FN3KRP: variants seen among roughly 807,000 people sequenced by gnomAD.
FN3KRP encodes fructosamine 3 kinase related protein.
In FN3KRP, 33 loss-of-function variants were observed where a neutral mutation model predicts 29.8. The observed-to-expected ratio is 1.11, with a 90% CI of 0.84 to 1.48. FN3KRP has a LOEUF of 1.48. FN3KRP is among the 40% of genes most tolerant of loss of function. The pLI, the probability that FN3KRP is intolerant of heterozygous loss-of-function variation, is 0.00. For missense variants in FN3KRP, 430 were observed against 402.6 expected (o/e 1.07, Z -0.58); for synonymous variants, 157 against 155.2 (o/e 1.01, Z -0.09).
chr17:82,719,321 C>G (rs1308946930), intron 2 of FN3KRP, among the ~76,000 whole-genome samples: 3 of 152,236 alleles, frequency 2.0e-5, no homozygotes, highest in Non-Finnish European at 2.9e-5. Flanking sequence ...GAAGCTTGTA[C>G]TGGGGACATC....
chr17:82,720,631 T>A (rs1483933264), intron 3 of FN3KRP: 3 of 335,338 alleles, frequency 8.9e-6, no homozygotes, highest in African/African-American at 2.1e-5. Context: ...TACCTCTCGT[T>A]CCCCAGAAGA....
rs371279348 is a variant in FN3KRP at position 82,726,841 on chromosome 17, C to T, written c.600C>T (p.Ile200=). The T allele has an allele frequency of 5.2e-6, 8 of 1,540,236 alleles. No individual in the cohort carries two copies. The Admixed American group carries it at 8.3e-5, about 16-fold the overall frequency. The change falls in exon 6 of 6, where the codon ATC becomes ATT. Residue 200 remains isoleucine (I), a synonymous_variant. Transcript: ENST00000269373. The part of the protein sequence containing the change: ...LQLWSALQLK[I]PDLFRDLEII... ...CATTTTCCTCCCTGCAGTTAAAGATCCCTGACCTGTTCCGTGACCTGGAGA... is the reference window on the plus strand; with the variant it reads ...CATTTTCCTCCCTGCAGTTAAAGATTCCTGACCTGTTCCGTGACCTGGAGA...
Position 82,718,915 on chromosome 17 carries a change from A to C in FN3KRP, c.151A>C (p.Met51Leu). 6.2e-7 allele frequency: 1 copy of C among 1,613,758 alleles called. No individual in the cohort carries two copies. The highest frequency in any genetic ancestry group is 1.1e-5 in the South Asian group (1 of 91,070). ...KVNPKAEARRMFEGEMASLTA... is the reference protein window; with the variant it reads ...KVNPKAEARRLFEGEMASLTA... Reference sequence around the variant, plus strand: ...CGTATTTTTCTGACAGGCCAGAAGAATGTTTGAAGGTGAGATGGCAAGTTT... The same window carrying C: ...CGTATTTTTCTGACAGGCCAGAAGACTGTTTGAAGGTGAGATGGCAAGTTT... Residue 51 changes from methionine (M) to leucine (L), a missense_variant, in exon 2 of 6, where the codon ATG becomes CTG. Coordinates refer to ENST00000269373, the MANE Select transcript of FN3KRP (RefSeq NM_024619.4).
Position 82,722,795 on chromosome 17 carries a change from G to T in FN3KRP, c.386-9G>T. ...AACTAATTTCCTTTCTTTTACTTTT[G>T]CTTGCAAGGGAGAGGAGGTGGGCAG... is the stretch of plus-strand genomic sequence containing the variant. On this transcript the variant is annotated splice_polypyrimidine_tract_variant and intron_variant, in intron 3 of 5. Coordinates refer to ENST00000269373, the MANE Select transcript of FN3KRP (RefSeq NM_024619.4). 6.2e-7 allele frequency: 1 copy of T among 1,613,066 alleles called. No homozygotes were observed. The highest frequency in any genetic ancestry group is 8.5e-7 in the Non-Finnish European group (1 of 1,179,680).
At position 82,725,389 on chromosome 17, in the gene FN3KRP, C is replaced by T. The variant is rs779384519; in HGVS notation, c.469-1091C>T. 5.9e-5 allele frequency among the ~76,000 whole-genome samples: 9 copies of T among 152,136 alleles called. No individual in the cohort carries two copies. In the South Asian group the frequency reaches 6.2e-4, roughly 11 times the overall value. On this transcript the variant is annotated intron_variant, in intron 4 of 5. Coordinates refer to ENST00000269373, the MANE Select transcript of FN3KRP (RefSeq NM_024619.4). The stretch of plus-strand genomic sequence containing the variant: ...TCAAGTGATCCTCCCACCTCAGCCA[C>T]GCAAAATGCTGGGATTACAGATATT...
intron 1 of FN3KRP, chr17:82,718,387 A>G: frequency 2.0e-6 from 2 of 987,164 alleles, no homozygotes; most frequent in Non-Finnish European, 2.4e-6. Context: ...GCATCTCAAG[A>G]TGAGGTGGTT....
chr17:82,720,136 A>G (rs1292079502), intron 2 of FN3KRP, 136 bp from the exon 3 acceptor site: 3 of 593,430 alleles, frequency 5.1e-6, no homozygotes, highest in East Asian at 3.4e-5. Flanking sequence ...ACTGCCCTCC[A>G]GCCTGGGTGA....
chr17:82,724,806 C>CA (rs949395208), intron 4 of FN3KRP, among the ~76,000 whole-genome samples: 17 of 149,936 alleles, frequency 1.1e-4, no homozygotes, highest in Middle Eastern at 3.4e-3. Flanking sequence ...CAATGCCTAT[C>CA]AAAAAAAAAA....
At chr17:82,716,950 G>C in intron 1 of FN3KRP, 54 bp downstream of exon 1, 2 of 1,524,478 alleles carry the variant, frequency 1.3e-6, no homozygotes, top group Non-Finnish European at 1.7e-6. Context: ...GGAGAGGGTC[G>C]CGGGCCTCGG....
At chr17:82,717,898 A>G (rs2046769537) in intron 1 of FN3KRP, among the ~76,000 whole-genome samples, 1 of 151,328 alleles carries the variant, frequency 6.6e-6, no homozygotes, top group African/African-American at 2.4e-5. Flanking sequence ...GTATGTGTGT[A>G]TGTTTGTAAT....
chr17:82,719,101 AGGT>A, intron 2 of FN3KRP, 44 bp downstream of exon 2: 1 of 1,522,172 alleles, frequency 6.6e-7, no homozygotes, highest in Non-Finnish European at 8.9e-7. Context: ...TTACCTGAGC[AGGT>A]GTGTCTTCAC....
chr17:82,722,744 C>G, intron 3 of FN3KRP, 60 bp from the exon 4 acceptor site: 1 of 1,549,456 alleles, frequency 6.5e-7, no homozygotes, highest in Non-Finnish European at 8.9e-7. Context: ...GACTCAGTTT[C>G]GAGAGTGGGC....
Position 82,726,516 on chromosome 17 carries a change from G to GC in FN3KRP, c.508dup (p.Arg170ProfsTer33), listed in dbSNP as rs1431081913. The stretch of plus-strand genomic sequence containing the variant: ...GCAGGAGGACTGGGTCGTGTTCTAT[G>GC]CCCGGCAGCGCATTCAGCCCCAGAT... On this transcript the variant is annotated frameshift_variant, in exon 5 of 6. Transcript: ENST00000269373. LOFTEE classifies it high-confidence loss of function. The GC allele has an allele frequency of 5.0e-6, 8 of 1,614,186 alleles. No individual in the cohort carries two copies. Among genetic ancestry groups the GC allele is most frequent in the Non-Finnish European group, 6.8e-6 (8 of 1,180,032 alleles).
Position 82,727,413 on chromosome 17 carries a change from T to G in FN3KRP, c.*242T>G, listed in dbSNP as rs1039818733. The G allele has an allele frequency of 8.7e-5, 36 of 414,714 alleles. No individual in the cohort carries two copies. Among genetic ancestry groups the G allele is most frequent in the Non-Finnish European group, 1.3e-4 (31 of 230,902 alleles). The allele number at this position is 414,714 out of a possible 1,614,324, so 25.7% of individuals were successfully genotyped here. On this transcript the variant is annotated 3_prime_UTR_variant, in exon 6 of 6. Transcript: ENST00000269373. ...GGTATGAGCAGAGGGATGTATGGAG[T>G]GTGGGTGACTCTGAGCCTCACTGCT...
intron 3 of FN3KRP, chr17:82,720,728 C>T (rs1475578114): frequency 5.9e-6 from 1 of 168,824 alleles, no homozygotes; most frequent in Non-Finnish European, 1.2e-5. Context: ...ACTTGAGGCT[C>T]AGAATTACAG....
chr17:82,718,853 G>A lies in FN3KRP; in HGVS notation c.142-53G>A, dbSNP rs1057280422. 78 of 1,591,380 alleles carry A rather than the reference G, an allele frequency of 4.9e-5. No individual in the cohort carries two copies. In the African/African-American group the frequency reaches 5.2e-4, roughly 11 times the overall value. On this transcript the variant is annotated intron_variant, in intron 1 of 5. Transcript: ENST00000269373. ...GGAAAACATATCTACAGAACCTTCC[G>A]GAAGTAACCTTGCCTCCCTGTATTT...
intron 5 of FN3KRP, 105 bp downstream of exon 5, chr17:82,726,707 G>A (rs1391359736): frequency 1.3e-6 from 2 of 1,519,598 alleles, no homozygotes; most frequent in African/African-American, 1.4e-5. Context: ...CTGATTCTGG[G>A]TGGGAAGCGG....
At position 82,716,755 on chromosome 17, in the gene FN3KRP, C is replaced by A. The variant is rs773293010; in HGVS notation, c.-1C>A. On this transcript the variant is annotated 5_prime_UTR_variant, in exon 1 of 6. Coordinates refer to ENST00000269373, the MANE Select transcript of FN3KRP (RefSeq NM_024619.4). The stretch of plus-strand genomic sequence containing the variant: ...GGCGGGTCCGCGGCCGCGGCGGGAA[C>A]ATGGAGGAGCTCCTGAGGCGCGAGC... 2 of 1,503,858 alleles carry A rather than the reference C, an allele frequency of 1.3e-6. No individual in the cohort carries two copies. Among genetic ancestry groups the A allele is most frequent in the East Asian group, 5.5e-5 (2 of 36,284 alleles). The allele number at this position is 1,503,858 out of a possible 1,614,324, so 93.2% of individuals were successfully genotyped here.
intron 3 of FN3KRP, among the ~76,000 whole-genome samples, chr17:82,722,067 C>T (rs779220762): frequency 1.3e-5 from 2 of 151,770 alleles, no homozygotes; most frequent in African/African-American, 2.4e-5. Context: ...TTCCCGACCT[C>T]AGGTGATCCA....
Sources: gnomAD v4.1 joint callset for allele counts (sites outside exome capture counted in the v4.1 genomes callset) on GRCh38, gnomAD v4.1.1 for gene constraint, MANE v1.5 for transcripts, NCBI Gene and HGNC (gene_info 2026-07-23, HGNC 2026-07-21) for gene names.